The following FCER1G variants were observed in gnomAD, a reference collection of about 807,000 sequenced individuals.
FCER1G encodes Fc epsilon receptor Ig, also known as high affinity immunoglobulin epsilon receptor subunit gamma.
FCER1G carries 7 observed loss-of-function variants against 17.3 expected under a neutral mutation model. The ratio of observed to expected loss-of-function variants is 0.40; its 90% CI spans 0.23 to 0.76. FCER1G has a LOEUF of 0.76. FCER1G is among the 30% of genes least tolerant of loss of function. FCER1G has a pLI of 0.35. For missense variants in FCER1G, 87 were observed against 97.7 expected (o/e 0.89, Z 0.46); for synonymous variants, 35 against 38.7 (o/e 0.90, Z 0.35).
rs548373455 is a variant in FCER1G at position 161,219,099 on chromosome 1, C to T, written c.*156C>T. 2 of 631,190 alleles carry T rather than the reference C, an allele frequency of 3.2e-6. No homozygotes were observed. The highest frequency in any genetic ancestry group is 3.8e-5 in the South Asian group (2 of 52,638). 39.1% of individuals were successfully genotyped at this position (631,190 alleles called of 1,614,324 possible). A position where few individuals can be genotyped will look rare whatever the true frequency, so the allele number is the denominator to read the frequency against. ...TAATATACACCAGTGGTTCCTCCTCCCTGTTAAAGACTAATGCTCAGATGC... is the reference window on the plus strand; with the variant it reads ...TAATATACACCAGTGGTTCCTCCTCTCTGTTAAAGACTAATGCTCAGATGC... On this transcript the variant is annotated 3_prime_UTR_variant, in exon 5 of 5. Coordinates refer to ENST00000289902, the MANE Select transcript of FCER1G (RefSeq NM_004106.2).
chr1:161,218,785 C>T, intron 4 of FCER1G, 62 bp downstream of exon 4: 1 of 1,596,028 alleles, frequency 6.3e-7, no homozygotes, highest in East Asian at 2.2e-5. Context: ...TTTGAGCGAT[C>T]TTTGGAAGGC....
intron 1 of FCER1G, among the ~76,000 whole-genome samples, chr1:161,216,041 G>A (rs1461190894): frequency 6.6e-6 from 1 of 152,174 alleles, no homozygotes; most frequent in Non-Finnish European, 1.5e-5. Context: ...GAAAGTGGCA[G>A]GGGAAGGGTC....
At chr1:161,216,467 T>C (rs1455917977) in intron 1 of FCER1G, among the ~76,000 whole-genome samples, 2 of 143,760 alleles carry the variant, frequency 1.4e-5, no homozygotes, top group Admixed American at 7.1e-5. Flanking sequence ...TTTAGGAAGG[T>C]AGGACTCTGT....
chr1:161,219,126 G>C lies in FCER1G; in HGVS notation c.*183G>C. On this transcript the variant is annotated 3_prime_UTR_variant, in exon 5 of 5. Transcript: ENST00000289902. ...TGTTAAAGACTAATGCTCAGATGCT[G>C]TTTACGGATATTTATATTCTAGTCT... is the stretch of plus-strand genomic sequence containing the variant. 3.3e-6 allele frequency: 2 copies of C among 598,792 alleles called. No homozygotes were observed. The highest frequency in any genetic ancestry group is 6.0e-6 in the Non-Finnish European group (2 of 333,450). 37.1% of individuals were successfully genotyped at this position (598,792 alleles called of 1,614,324 possible).
At chr1:161,216,361 T>TACACACAC (rs1218847328) in intron 1 of FCER1G, among the ~76,000 whole-genome samples, 1 of 137,492 alleles carries the variant, frequency 7.3e-6, no homozygotes, top group Non-Finnish European at 1.6e-5. Context: ...TCTATCTATA[T>TACACACAC]ACACACACAC....
At chr1:161,217,553 G>A (rs1028304156) in intron 1 of FCER1G, among the ~76,000 whole-genome samples, 2 of 152,124 alleles carry the variant, frequency 1.3e-5, no homozygotes, top group Admixed American at 1.3e-4. Context: ...GGACTTAGTA[G>A]AGACACTTCT....
chr1:161,217,876 G>A (rs1666080475), intron 1 of FCER1G, 110 bp from the exon 2 acceptor site: 2 of 747,924 alleles, frequency 2.7e-6, no homozygotes, highest in South Asian at 1.5e-5. Flanking sequence ...TCCCTTAGAC[G>A]GCTCCCCTCC....
chr1:161,217,090 G>A (rs1666067685), intron 1 of FCER1G, among the ~76,000 whole-genome samples: 1 of 152,198 alleles, frequency 6.6e-6, no homozygotes, highest in African/African-American at 2.4e-5. Context: ...TAAGATTTGT[G>A]CAATATCGTG....
chr1:161,215,889 G>A (rs1198019330), intron 1 of FCER1G, among the ~76,000 whole-genome samples: 27 of 151,944 alleles, frequency 1.8e-4, no homozygotes, highest in Non-Finnish European at 4.4e-5. Flanking sequence ...ACTGCACCCA[G>A]CTATTATTAT....
At chr1:161,215,917 G>A (rs1666029789) in intron 1 of FCER1G, among the ~76,000 whole-genome samples, 1 of 151,830 alleles carries the variant, frequency 6.6e-6, no homozygotes, top group Admixed American at 6.6e-5. Flanking sequence ...AAAAGACAGG[G>A]TCTTACTATG....
At chr1:161,216,411 C>CACACACATAT (rs1491150470) in intron 1 of FCER1G, among the ~76,000 whole-genome samples, 1,449 of 129,372 alleles carry the variant, frequency 0.011, 18 homozygotes, top group Non-Finnish European at 0.019. Context: ...CACACACACA[C>CACACACATAT]ATATATATAT....
At chr1:161,215,813 G>A (rs1328704553) in intron 1 of FCER1G, among the ~76,000 whole-genome samples, 2 of 151,914 alleles carry the variant, frequency 1.3e-5, no homozygotes, top group Non-Finnish European at 2.9e-5. Flanking sequence ...GGGTAGTCTT[G>A]AACTCCTGAC....
intron 1 of FCER1G, 94 bp downstream of exon 1, chr1:161,215,464 G>C (rs1666013181): frequency 1.8e-6 from 2 of 1,113,916 alleles, no homozygotes. Context: ...GGTGAAGGAA[G>C]GCTGACAGTG....
At chr1:161,216,411 C>CACACACATATATAT (rs1491150470) in intron 1 of FCER1G, among the ~76,000 whole-genome samples, 2 of 129,752 alleles carry the variant, frequency 1.5e-5, no homozygotes, top group Non-Finnish European at 3.2e-5. Context: ...CACACACACA[C>CACACACATATATAT]ATATATATAT....
At chr1:161,218,859 G>A (rs41270849) in intron 4 of FCER1G, 22 bp from the exon 5 acceptor site, 85,777 of 1,609,340 alleles carry the variant, frequency 0.053, 2,760 homozygotes, top group Non-Finnish European at 0.06. Context: ...GCTCCTGATC[G>A]CCCTTTGACT....
At chr1:161,216,361 TACACACACACACACATAC>T (rs1272029295) in intron 1 of FCER1G, among the ~76,000 whole-genome samples, 17 of 137,496 alleles carry the variant, frequency 1.2e-4, no homozygotes, top group Non-Finnish European at 2.0e-4. Context: ...TCTATCTATA[TACACACACACACACATAC>T]ACACACACAC....
intron 3 of FCER1G, 145 bp from the exon 4 acceptor site, chr1:161,218,558 T>A: frequency 1.3e-6 from 1 of 793,850 alleles, no homozygotes; most frequent in Admixed American, 1.9e-5. Flanking sequence ...CAAACAGGTA[T>A]CCATGTCCCA....
At chr1:161,218,838 G>A in intron 4 of FCER1G, 43 bp from the exon 5 acceptor site, 1 of 1,597,356 alleles carries the variant, frequency 6.3e-7, no homozygotes, top group South Asian at 1.1e-5. Flanking sequence ...AGGGGCCTCT[G>A]ATGGACTCCA....
In FCER1G at chr1:161,217,976, A is replaced by C. The variant is rs781211578; in HGVS notation, c.50-10A>C. 1.2e-6 allele frequency: 2 copies of C among 1,600,812 alleles called. No individual in the cohort carries two copies. The highest frequency in any genetic ancestry group is 2.2e-5 in the East Asian group (1 of 44,784). On this transcript the variant is annotated splice_polypyrimidine_tract_variant and intron_variant, in intron 1 of 4. Coordinates refer to ENST00000289902, the MANE Select transcript of FCER1G (RefSeq NM_004106.2). ...ACCCCCGACCCCATGGGCATCCTCTATCCCCTCAGCGGCCCTGGGAGAGCC... is the reference window on the plus strand; with the variant it reads ...ACCCCCGACCCCATGGGCATCCTCTCTCCCCTCAGCGGCCCTGGGAGAGCC...
Sources: allele counts gnomAD v4.1 joint callset (sites outside exome capture counted in the v4.1 genomes callset), GRCh38; gene constraint gnomAD v4.1.1; transcripts MANE v1.5; gene names NCBI Gene and HGNC (gene_info 2026-07-23, HGNC 2026-07-21).